RFTN1: variants seen among roughly 807,000 people sequenced by gnomAD.
RFTN1 encodes the protein raftlin, lipid raft linker 1.
RFTN1 carries 26 observed loss-of-function variants against 46.5 expected under a neutral mutation model. The observed-to-expected ratio is 0.56, with a 90% CI of 0.41 to 0.78. RFTN1 has a LOEUF of 0.78. Ranked by LOEUF, RFTN1 falls within the 30% of genes least tolerant of loss-of-function variation. The probability of loss-of-function intolerance (pLI) is 0.00; values close to 1 mark genes in which losing one functional copy is unlikely to be tolerated. For synonymous variants in RFTN1, 261 were observed against 284.2 expected, an observed-to-expected ratio of 0.92 and a Z score of 0.82; for missense variants, 693 against 718.7, an observed-to-expected ratio of 0.96 and a Z score of 0.41.
chr3:16,323,342 A>C lies in RFTN1; in HGVS notation c.1332+34T>G, dbSNP rs567669229. 2.7e-6 allele frequency: 4 copies of C among 1,488,144 alleles called. No individual in the cohort carries two copies. In the African/African-American group the frequency reaches 5.6e-5, roughly 21 times the overall value. 92.2% of individuals were successfully genotyped at this position (1,488,144 alleles called of 1,614,324 possible). A position where few individuals can be genotyped will look rare whatever the true frequency, so the allele number is the denominator to read the frequency against. ...ATCCACTGAAGATGAAGCCCTGCTG[A>C]GGAAAACCTAGGAAGGCCATCAAAG... On this transcript the variant is annotated intron_variant, in intron 9 of 9. Coordinates refer to ENST00000334133, the MANE Select transcript of RFTN1 (RefSeq NM_015150.2).
chr3:16,415,498 G>T (rs2075061457), intron 3 of RFTN1, among the ~76,000 whole-genome samples: 1 of 149,862 alleles, frequency 6.7e-6, no homozygotes, highest in South Asian at 2.1e-4. Context: ...GAACGGTCTG[G>T]ACTGCAGCTG....
rs528792217 is a variant in RFTN1, at chr3:16,316,134, C to T, written c.*694G>A. 2.0e-5 allele frequency: 3 copies of T among 153,376 alleles called. No individual in the cohort carries two copies. The highest frequency in any genetic ancestry group is 4.8e-5 in the African/African-American group (2 of 41,588). 9.5% of individuals were successfully genotyped at this position (153,376 alleles called of 1,614,324 possible). ...TGTGGTTTGTATGATGTGCTGAGTA[C>T]AAAACCTTTAAAAACAACTTTTTGG... On this transcript the variant is annotated 3_prime_UTR_variant, in exon 10 of 10. Coordinates refer to ENST00000334133, the MANE Select transcript of RFTN1 (RefSeq NM_015150.2). The surrounding 1 kb of genome is among the most constrained non-coding windows in gnomAD (Gnocchi z 4.5).
intron 1 of RFTN1, among the ~76,000 whole-genome samples, chr3:16,510,769 A>G (rs1489746016): frequency 1.3e-5 from 2 of 152,364 alleles, no homozygotes; most frequent in African/African-American, 2.4e-5. Flanking sequence ...ATTTACTACT[A>G]GGTGTTTACC....
At chr3:16,462,933 G>C (rs555038137) in intron 2 of RFTN1, among the ~76,000 whole-genome samples, 1 of 152,214 alleles carries the variant, frequency 6.6e-6, no homozygotes, top group Admixed American at 6.5e-5. Flanking sequence ...CAAAAGTAAA[G>C]AAGCGGAAGA....
intron 3 of RFTN1, among the ~76,000 whole-genome samples, chr3:16,431,920 C>T (rs1432071151): frequency 1.3e-5 from 2 of 152,156 alleles, no homozygotes; most frequent in Non-Finnish European, 2.9e-5. Context: ...AATGCAGGTA[C>T]GGGAGACAGC....
intron 4 of RFTN1, among the ~76,000 whole-genome samples, chr3:16,399,322 A>G (rs2074548614): frequency 1.3e-5 from 2 of 152,210 alleles, no homozygotes; most frequent in African/African-American, 4.8e-5. Context: ...GCAAAAACAC[A>G]CAAGACCTCT....
rs1183897267 is a variant in RFTN1 at position 16,498,303 on chromosome 3, A to C, written c.-8-4426T>G. ...TTAGCCAATCACAGCAGCAGAATGC[A>C]GTCAATCACAGGCAGTGAATTAATG... On this transcript the variant is annotated intron_variant, in intron 1 of 9. Transcript: ENST00000334133. This position sits in a 1 kb window ranked among gnomAD's most constrained non-coding sequence, Gnocchi z 5.2. Among the ~76,000 whole-genome samples the C allele has an allele frequency of 6.6e-6, 1 of 152,224 alleles. No homozygotes were observed. Among genetic ancestry groups the C allele is most frequent in the African/African-American group, 2.4e-5 (1 of 41,464 alleles).
chr3:16,502,731 G>A (rs980711453), intron 1 of RFTN1, among the ~76,000 whole-genome samples: 2 of 152,218 alleles, frequency 1.3e-5, no homozygotes, highest in African/African-American at 4.8e-5. Flanking sequence ...GCACCCATGT[G>A]GAAGTAGATC....
At chr3:16,401,191 C>T (rs2074592243) in intron 4 of RFTN1, among the ~76,000 whole-genome samples, 1 of 152,082 alleles carries the variant, frequency 6.6e-6, no homozygotes. Context: ...GCCATGGTGG[C>T]TCGCGCCTGT....
intron 1 of RFTN1, among the ~76,000 whole-genome samples, chr3:16,496,311 G>A (rs1366055140): frequency 6.6e-6 from 1 of 152,196 alleles, no homozygotes; most frequent in East Asian, 1.9e-4. Flanking sequence ...AGTGTGTGTT[G>A]GCTCCTGCAC....
Position 16,382,956 on chromosome 3 carries a change from G to A in RFTN1, c.442-4854C>T, listed in dbSNP as rs1242037596. 4.6e-5 allele frequency among the ~76,000 whole-genome samples: 7 copies of A among 152,132 alleles called. No individual in the cohort carries two copies. Among genetic ancestry groups the A allele is most frequent in the Non-Finnish European group, 1.0e-4 (7 of 68,032 alleles). ...CATGGAGCTCCCCACAGACTCCCAC[G>A]CATGCCCACAACATCTCTAACAACA... On this transcript the variant is annotated intron_variant, in intron 4 of 9. Transcript: ENST00000334133. The surrounding 1 kb of genome is among the most constrained non-coding windows in gnomAD (Gnocchi z 4.7).
chr3:16,486,423 T>C (rs78622501), intron 2 of RFTN1, among the ~76,000 whole-genome samples: 19,992 of 152,048 alleles, frequency 0.13, 1,394 homozygotes, highest in Middle Eastern at 0.19. Flanking sequence ...CCTACTTTCT[T>C]CTCCCCCAAA....
rs371297293 is a variant in RFTN1, at chr3:16,465,767, T to A, written c.145+27958A>T. On this transcript the variant is annotated intron_variant, in intron 2 of 9. Transcript: ENST00000334133. This position sits in a 1 kb window ranked among gnomAD's most constrained non-coding sequence, Gnocchi z 5.1. ...CTTGTGCAGAAGGCTGAGCAGGGGA[T>A]GTCCACATCTTGCCAACCCTGGAGC... 6.6e-6 allele frequency among the ~76,000 whole-genome samples: 1 copy of A among 152,190 alleles called. No individual in the cohort carries two copies. Among genetic ancestry groups the A allele is most frequent in the Non-Finnish European group, 1.5e-5 (1 of 68,020 alleles).
intron 9 of RFTN1, among the ~76,000 whole-genome samples, chr3:16,318,954 A>C (rs1398801984): frequency 6.6e-6 from 1 of 152,190 alleles, no homozygotes; most frequent in African/African-American, 2.4e-5. Context: ...CCTGCCAGGC[A>C]GGCATCTCGA....
In RFTN1 at chr3:16,446,932, A is replaced by G. The variant is rs953550431; in HGVS notation, c.146-12895T>C. On this transcript the variant is annotated intron_variant, in intron 2 of 9. Coordinates refer to ENST00000334133, the MANE Select transcript of RFTN1 (RefSeq NM_015150.2). The surrounding 1 kb of genome is among the most constrained non-coding windows in gnomAD (Gnocchi z 4.5). ...TCTGAATATAGTAATATAAAATGAC[A>G]AACTATGGAAACTATTGGAAATCAT... Among the ~76,000 whole-genome samples the G allele has an allele frequency of 1.3e-5, 2 of 152,254 alleles. No homozygotes were observed. Among genetic ancestry groups the G allele is most frequent in the African/African-American group, 4.8e-5 (2 of 41,470 alleles).
At chr3:16,494,006 G>C (rs2076585345) in intron 1 of RFTN1, 129 bp from the exon 2 acceptor site, 1 of 1,024,910 alleles carries the variant, frequency 9.8e-7, no homozygotes, top group Non-Finnish European at 1.4e-6. Context: ...ATGAAACTGA[G>C]AGTATAATTT....
At chr3:16,367,078 C>T (rs2073230882) in intron 6 of RFTN1, among the ~76,000 whole-genome samples, 12 of 152,194 alleles carry the variant, frequency 7.9e-5, no homozygotes, top group Admixed American at 7.9e-4. Context: ...GAAACATCAC[C>T]TTGTTTATGG....
At chr3:16,371,880 T>C (rs2125364418) in intron 5 of RFTN1, among the ~76,000 whole-genome samples, 1 of 152,298 alleles carries the variant, frequency 6.6e-6, no homozygotes, top group African/African-American at 2.4e-5. Context: ...CTAGACTAGT[T>C]TGTGAGTTCA....
intron 2 of RFTN1, among the ~76,000 whole-genome samples, chr3:16,492,108 A>G (rs2076547065): frequency 6.6e-6 from 1 of 152,182 alleles, no homozygotes; most frequent in South Asian, 2.1e-4. Flanking sequence ...AGGTATCTGC[A>G]CGTTTAAGAG....
Sources: gnomAD v4.1 joint callset for allele counts (sites outside exome capture counted in the v4.1 genomes callset) on GRCh38, gnomAD v4.1.1 for gene constraint, Gnocchi (gnomAD v3.1) non-coding constraint, MANE v1.5 for transcripts, NCBI Gene and HGNC (gene_info 2026-07-23, HGNC 2026-07-21) for gene names.